The following HEMK2 variants were observed in gnomAD, a reference collection of about 807,000 sequenced individuals.
HEMK2 encodes methyltransferase HEMK2.
At chr21:28,826,868 C>T in the HEMK2 span, among the ~76,000 whole-genome samples, 1 of 152,166 alleles carries the variant, frequency 6.6e-6, no homozygotes, top group African/African-American at 2.4e-5. Flanking sequence ...GAGAACCTGG[C>T]ATAACCAGCA....
the HEMK2 span, among the ~76,000 whole-genome samples, chr21:28,676,090 G>A: frequency 5.3e-5 from 8 of 152,212 alleles, no homozygotes; most frequent in South Asian, 4.1e-4. Context: ...AAGCTAGCAA[G>A]GTAGAATTTG....
At chr21:28,851,972 C>A in the HEMK2 span, among the ~76,000 whole-genome samples, 1 of 152,142 alleles carries the variant, frequency 6.6e-6, no homozygotes, top group East Asian at 1.9e-4. Flanking sequence ...GCAATGAAAC[C>A]ACATCTGGTA....
At chr21:28,586,956 G>GT in the HEMK2 span, among the ~76,000 whole-genome samples, 1 of 152,080 alleles carries the variant, frequency 6.6e-6, no homozygotes, top group African/African-American at 2.4e-5. Flanking sequence ...GGATTTCAAC[G>GT]TATGAAACGT....
At chr21:28,767,318 T>C in the HEMK2 span, among the ~76,000 whole-genome samples, 3 of 151,474 alleles carry the variant, frequency 2.0e-5, no homozygotes, top group African/African-American at 7.3e-5. Context: ...GAAAACAGAC[T>C]AATACACCAT....
At chr21:28,882,282 T>A in the HEMK2 span, 1 of 1,535,852 alleles carries the variant, frequency 6.5e-7, no homozygotes. Flanking sequence ...AACTATATCC[T>A]ATGTCCATAA....
chr21:28,744,447 C>T, the HEMK2 span, among the ~76,000 whole-genome samples: 1 of 152,148 alleles, frequency 6.6e-6, no homozygotes, highest in African/African-American at 2.4e-5. Context: ...ACACTTTCAT[C>T]TGCAGTGTCT....
At chr21:28,804,353 G>A in the HEMK2 span, among the ~76,000 whole-genome samples, 2 of 152,088 alleles carry the variant, frequency 1.3e-5, no homozygotes, top group African/African-American at 4.8e-5. Context: ...TGAACATTTT[G>A]TAATTCAAAA....
At chr21:28,832,570 T>C in the HEMK2 span, among the ~76,000 whole-genome samples, 1 of 152,222 alleles carries the variant, frequency 6.6e-6, no homozygotes, top group Non-Finnish European at 1.5e-5. Context: ...ATGATATAAA[T>C]TGAGAAGATT....
chr21:28,666,905 A>T, the HEMK2 span, among the ~76,000 whole-genome samples: 1 of 152,158 alleles, frequency 6.6e-6, no homozygotes, highest in Non-Finnish European at 1.5e-5. Flanking sequence ...AGAAAAAACT[A>T]GTTGTTATGC....
chr21:28,682,875 G>A, the HEMK2 span, among the ~76,000 whole-genome samples: 4 of 152,210 alleles, frequency 2.6e-5, no homozygotes, highest in East Asian at 5.8e-4. Flanking sequence ...ACACAGGAAG[G>A]GGAACATCAC....
the HEMK2 span, among the ~76,000 whole-genome samples, chr21:28,707,519 G>A: frequency 6.6e-6 from 1 of 151,906 alleles, no homozygotes; most frequent in Non-Finnish European, 1.5e-5. Flanking sequence ...GCCTCCCAAA[G>A]TTCTGTTATT....
the HEMK2 span, among the ~76,000 whole-genome samples, chr21:28,624,272 C>T: frequency 3.7e-4 from 57 of 152,300 alleles, 1 homozygote; most frequent in East Asian, 0.01. Flanking sequence ...ATGCTCACAT[C>T]CACTATGGGA....
chr21:28,830,569 T>G, the HEMK2 span, among the ~76,000 whole-genome samples: 6 of 152,294 alleles, frequency 3.9e-5, no homozygotes, highest in East Asian at 9.7e-4. Context: ...AAAATGTTGT[T>G]TATTTTTTAA....
chr21:28,868,100 T>C, the HEMK2 span, among the ~76,000 whole-genome samples: 2 of 152,184 alleles, frequency 1.3e-5, no homozygotes, highest in Non-Finnish European at 2.9e-5. Flanking sequence ...CTTTATGGAC[T>C]TTCCATTCTG....
the HEMK2 span, among the ~76,000 whole-genome samples, chr21:28,852,675 T>A: frequency 6.6e-6 from 1 of 151,896 alleles, no homozygotes; most frequent in Non-Finnish European, 1.5e-5. Flanking sequence ...GGGTTATAGG[T>A]CTGTAAACTG....
At chr21:28,807,389 T>C in the HEMK2 span, among the ~76,000 whole-genome samples, 1 of 152,204 alleles carries the variant, frequency 6.6e-6, no homozygotes, top group Non-Finnish European at 1.5e-5. Flanking sequence ...GTCAGTTTCC[T>C]GGGAGACACA....
At chr21:28,862,341 T>C in the HEMK2 span, among the ~76,000 whole-genome samples, 2 of 150,886 alleles carry the variant, frequency 1.3e-5, no homozygotes, top group South Asian at 4.2e-4. Flanking sequence ...ACAGAATGAG[T>C]AGTAGAAGAA....
the HEMK2 span, among the ~76,000 whole-genome samples, chr21:28,628,515 G>C: frequency 6.6e-6 from 1 of 152,218 alleles, no homozygotes; most frequent in Middle Eastern, 3.4e-3. Context: ...GCAATGGCAC[G>C]ATCTCGGCTC....
chr21:28,674,307 G>A, the HEMK2 span, among the ~76,000 whole-genome samples: 2 of 152,284 alleles, frequency 1.3e-5, no homozygotes, highest in African/African-American at 4.8e-5. Flanking sequence ...GCAGCCCTCA[G>A]GACTGCTCTA....
Sources: gnomAD v4.1 joint callset for allele counts (sites outside exome capture counted in the v4.1 genomes callset) on GRCh38, gnomAD v4.1.1 for gene constraint, MANE v1.5 for transcripts, NCBI Gene and HGNC (gene_info 2026-07-23, HGNC 2026-07-21) for gene names.